PRICKLE2: variants seen among roughly 807,000 people sequenced by gnomAD.
PRICKLE2 encodes prickle planar cell polarity protein 2.
PRICKLE2 carries 21 observed loss-of-function variants against 81.4 expected under a neutral mutation model. The ratio of observed to expected loss-of-function variants is 0.26; its 90% CI spans 0.18 to 0.37. The LOEUF (loss-of-function observed/expected upper bound fraction) is 0.37, where lower values mean the gene tolerates loss of function less well. Among genes scored for constraint, PRICKLE2 ranks in the 10% least tolerant of loss-of-function variants. PRICKLE2 has a pLI of 1.00. For missense variants in PRICKLE2, 940 were observed against 1,109.0 expected (o/e 0.85, Z 2.16); for synonymous variants, 456 against 421.5 (o/e 1.08, Z -1.00).
intron 2 of PRICKLE2, among the ~76,000 whole-genome samples, chr3:64,252,548 T>C (rs1280468829): frequency 6.6e-6 from 1 of 152,152 alleles, no homozygotes; most frequent in Non-Finnish European, 1.5e-5. Flanking sequence ...GCAAAATTGG[T>C]TATTTATGGT....
intron 1 of PRICKLE2, among the ~76,000 whole-genome samples, chr3:64,207,039 A>G (rs1259947741): frequency 5.9e-5 from 9 of 152,144 alleles, no homozygotes; most frequent in Non-Finnish European, 1.2e-4. Context: ...AGCTGGGACT[A>G]AAGGCACATG....
At chr3:64,187,349 A>G (rs2107091721) in intron 2 of PRICKLE2, among the ~76,000 whole-genome samples, 1 of 152,348 alleles carries the variant, frequency 6.6e-6, no homozygotes, top group African/African-American at 2.4e-5. Context: ...TAGCTTCCCA[A>G]GAAGAGTGAG....
intron 4 of PRICKLE2, 137 bp from the exon 5 acceptor site, chr3:64,157,502 C>A: frequency 1.1e-6 from 1 of 887,376 alleles, no homozygotes; most frequent in Non-Finnish European, 1.8e-6. Context: ...TCCTGCTTTA[C>A]ACAGGCAGCA....
At chr3:64,244,632 G>GTGTGTC (rs1298596774) in intron 2 of PRICKLE2, among the ~76,000 whole-genome samples, 1 of 151,832 alleles carries the variant, frequency 6.6e-6, no homozygotes, top group African/African-American at 2.4e-5. Context: ...GTGTGTGTGT[G>GTGTGTC]TGTCTGATAG....
At chr3:64,192,675 A>G (rs2078365366) in intron 2 of PRICKLE2, among the ~76,000 whole-genome samples, 1 of 152,212 alleles carries the variant, frequency 6.6e-6, no homozygotes, top group Admixed American at 6.5e-5. Context: ...ACCACTTATG[A>G]GACAATGCTT....
intron 2 of PRICKLE2, among the ~76,000 whole-genome samples, chr3:64,187,116 C>A (rs1236177011): frequency 6.6e-6 from 1 of 152,202 alleles, no homozygotes. Context: ...CTTGACAAGT[C>A]CCTGCTGGTG....
chr3:64,199,298 G>T (rs2078524138), intron 1 of PRICKLE2: 1 of 431,922 alleles, frequency 2.3e-6, no homozygotes, highest in East Asian at 4.2e-5. Flanking sequence ...ACTGGATATG[G>T]CCCATGACCA....
chr3:64,130,956 C>A (rs549989372), intron 7 of PRICKLE2, among the ~76,000 whole-genome samples: 2 of 152,156 alleles, frequency 1.3e-5, no homozygotes, highest in Non-Finnish European at 1.5e-5. Context: ...ATGGAGAAGG[C>A]CTGCGGACTG....
At chr3:64,209,922 G>A (rs1297837166) in intron 1 of PRICKLE2, among the ~76,000 whole-genome samples, 2 of 152,196 alleles carry the variant, frequency 1.3e-5, no homozygotes, top group Non-Finnish European at 2.9e-5. Context: ...AAGACTATGA[G>A]GCAGATATGA....
chr3:64,203,369 T>C (rs1394560316), intron 1 of PRICKLE2, among the ~76,000 whole-genome samples: 3 of 152,336 alleles, frequency 2.0e-5, no homozygotes, highest in Admixed American at 1.3e-4. Flanking sequence ...TGCCAGTTTA[T>C]GACTTAAGGA....
At chr3:64,135,614 T>C (rs1835898) in intron 7 of PRICKLE2, among the ~76,000 whole-genome samples, 61,561 of 151,678 alleles carry the variant, frequency 0.41, 12,620 homozygotes, top group Middle Eastern at 0.48. Context: ...CTCCCAGAGA[T>C]GTGTGATGGT....
At chr3:64,131,437 GC>G in intron 7 of PRICKLE2, among the ~76,000 whole-genome samples, 1 of 152,314 alleles carries the variant, frequency 6.6e-6, no homozygotes, top group East Asian at 1.9e-4. Context: ...ATAACAATCT[GC>G]CATGGCTAAT....
At chr3:64,229,540 A>G (rs1179849458), upstream of PRICKLE2, among the ~76,000 whole-genome samples, 1 of 152,190 alleles carries the variant, frequency 6.6e-6, no homozygotes, top group East Asian at 1.9e-4. Context: ...AGACTTCTGA[A>G]TATTGAGATA....
intron 1 of PRICKLE2, among the ~76,000 whole-genome samples, chr3:64,202,404 C>A (rs1700565179): frequency 6.6e-6 from 1 of 152,072 alleles, no homozygotes; most frequent in South Asian, 2.1e-4. Context: ...GCTACCTTTC[C>A]ATTTACTTCA....
intron 1 of PRICKLE2, among the ~76,000 whole-genome samples, chr3:64,210,003 C>T (rs1015421157): frequency 7.9e-5 from 12 of 152,094 alleles, no homozygotes; most frequent in Admixed American, 2.0e-4. Context: ...GGGAAGAGCA[C>T]TGTGTGAGTC....
chr3:64,241,488 T>C (rs1463422833), intron 2 of PRICKLE2, among the ~76,000 whole-genome samples: 1 of 152,246 alleles, frequency 6.6e-6, no homozygotes, highest in African/African-American at 2.4e-5. Flanking sequence ...GGTTATGTAC[T>C]TATGTGTGCA....
intron 3 of PRICKLE2, among the ~76,000 whole-genome samples, chr3:64,160,289 C>T (rs554673596): frequency 2.0e-5 from 3 of 152,262 alleles, no homozygotes; most frequent in African/African-American, 7.2e-5. Flanking sequence ...AAGAGCTTAC[C>T]AAAGGCTCTG....
intron 2 of PRICKLE2, among the ~76,000 whole-genome samples, chr3:64,258,304 A>T (rs2079558283): frequency 6.6e-6 from 1 of 152,184 alleles, no homozygotes; most frequent in African/African-American, 2.4e-5. Context: ...TAAGTCTCTA[A>T]CCAGAAACTA....
chr3:64,263,988 A>C (rs1013922150), intron 2 of PRICKLE2, among the ~76,000 whole-genome samples: 1 of 152,152 alleles, frequency 6.6e-6, no homozygotes, highest in Non-Finnish European at 1.5e-5. Context: ...GCTTCGGCAG[A>C]GTGGCGGCAG....
Sources: gnomAD v4.1 joint callset for allele counts (sites outside exome capture counted in the v4.1 genomes callset) on GRCh38, gnomAD v4.1.1 for gene constraint, MANE v1.5 for transcripts, NCBI Gene and HGNC (gene_info 2026-07-23, HGNC 2026-07-21) for gene names.